The following SGCZ variants were observed in gnomAD, a reference collection of about 807,000 sequenced individuals.
SGCZ encodes zeta-sarcoglycan.
Under a neutral mutation model 41.3 loss-of-function variants are expected in SGCZ, and 40 were observed. The ratio of observed to expected loss-of-function variants is 0.97; its 90% CI spans 0.75 to 1.26. The LOEUF is 1.26. Ranked by LOEUF, SGCZ falls within the 50% of genes most tolerant of loss-of-function variation. The pLI, the probability that SGCZ is intolerant of heterozygous loss-of-function variation, is 0.00. For synonymous variants in SGCZ, 206 were observed against 137.5 expected (o/e 1.50, Z -3.49); for missense variants, 552 against 369.8 (o/e 1.49, Z -4.04).
At chr8:15,012,052 G>T (rs926035737) in intron 1 of SGCZ, among the ~76,000 whole-genome samples, 3 of 152,022 alleles carry the variant, frequency 2.0e-5, no homozygotes, top group African/African-American at 4.8e-5. Flanking sequence ...CTACTCAATC[G>T]CATTATTGCA....
intron 6 of SGCZ, among the ~76,000 whole-genome samples, chr8:14,106,060 C>G (rs17118656): frequency 1.3e-5 from 2 of 152,152 alleles, no homozygotes; most frequent in Admixed American, 6.5e-5. Context: ...TTTGTAATAA[C>G]TGCAGCCACT....
chr8:14,571,912 T>G (rs922896683), intron 1 of SGCZ, among the ~76,000 whole-genome samples: 1 of 152,166 alleles, frequency 6.6e-6, no homozygotes, highest in African/African-American at 2.4e-5. Context: ...TTTATTTATA[T>G]TATTTACTTA....
chr8:14,240,325 GTC>G (rs1798826019), intron 3 of SGCZ, among the ~76,000 whole-genome samples: 1 of 21,908 alleles, frequency 4.6e-5, no homozygotes, highest in Admixed American at 6.7e-4. Context: ...GAAACTCTGT[GTC>G]AAAAAAAAAA....
intron 2 of SGCZ, among the ~76,000 whole-genome samples, chr8:14,445,028 G>C (rs1056581953): frequency 1.3e-5 from 2 of 152,146 alleles, no homozygotes; most frequent in Admixed American, 6.5e-5. Context: ...AGACCACTAG[G>C]ATAGGTCCAT....
chr8:14,732,155 T>C (rs2130243066), intron 1 of SGCZ, among the ~76,000 whole-genome samples: 1 of 152,316 alleles, frequency 6.6e-6, no homozygotes, highest in Admixed American at 6.5e-5. Context: ...AGGTCCTTTT[T>C]TATTGCCTTC....
chr8:14,722,253 A>G (rs1809910685), intron 1 of SGCZ, among the ~76,000 whole-genome samples: 1 of 152,184 alleles, frequency 6.6e-6, no homozygotes, highest in Non-Finnish European at 1.5e-5. Flanking sequence ...TATTAAATCT[A>G]GCATCTATAA....
chr8:14,909,457 T>C (rs967846160), intron 1 of SGCZ, among the ~76,000 whole-genome samples: 7 of 152,182 alleles, frequency 4.6e-5, no homozygotes, highest in Non-Finnish European at 1.0e-4. Context: ...AAATTTTGTT[T>C]CTTTTTCTTT....
chr8:14,891,493 T>C (rs920979500), intron 1 of SGCZ, among the ~76,000 whole-genome samples: 3 of 152,094 alleles, frequency 2.0e-5, no homozygotes, highest in Non-Finnish European at 4.4e-5. Flanking sequence ...GATAAAACAT[T>C]AGGATAATGA....
chr8:15,043,715 G>C (rs1804196134), intron 1 of SGCZ, among the ~76,000 whole-genome samples: 1 of 151,988 alleles, frequency 6.6e-6, no homozygotes, highest in Non-Finnish European at 1.5e-5. Flanking sequence ...AATACTTTTG[G>C]AATTCTTTAG....
chr8:14,370,533 A>T (rs1050434300), intron 2 of SGCZ, among the ~76,000 whole-genome samples: 2 of 151,964 alleles, frequency 1.3e-5, no homozygotes, highest in African/African-American at 4.8e-5. Flanking sequence ...TGGTAAACAG[A>T]TTTGATACCT....
intron 4 of SGCZ, among the ~76,000 whole-genome samples, chr8:14,215,111 C>T (rs1402118820): frequency 6.6e-6 from 1 of 152,116 alleles, no homozygotes; most frequent in Non-Finnish European, 1.5e-5. Flanking sequence ...AAAGCACTTC[C>T]TGGTCCTAAC....
chr8:14,708,389 C>A (rs1260898563), intron 1 of SGCZ, among the ~76,000 whole-genome samples: 1 of 151,332 alleles, frequency 6.6e-6, no homozygotes, highest in Admixed American at 6.6e-5. Context: ...AAACCAATCC[C>A]AGATGAATAT....
At chr8:14,818,832 A>C (rs1365958480) in intron 1 of SGCZ, among the ~76,000 whole-genome samples, 1 of 152,028 alleles carries the variant, frequency 6.6e-6, no homozygotes, top group Non-Finnish European at 1.5e-5. Context: ...AGAAGATAGA[A>C]TTTCTGATTT....
intron 1 of SGCZ, among the ~76,000 whole-genome samples, chr8:14,857,589 T>C (rs775300504): frequency 2.3e-4 from 35 of 152,108 alleles, no homozygotes; most frequent in Non-Finnish European, 3.1e-4. Flanking sequence ...TTTAGCCAGG[T>C]GCAGTGGCTC....
intron 3 of SGCZ, among the ~76,000 whole-genome samples, chr8:14,241,542 CTT>C (rs5889524): frequency 6.8e-6 from 1 of 147,768 alleles, no homozygotes; most frequent in Admixed American, 6.8e-5. Flanking sequence ...ACATAAATAT[CTT>C]TTTTTTTTGG....
At chr8:14,301,105 C>G (rs1585337245) in intron 3 of SGCZ, among the ~76,000 whole-genome samples, 1 of 147,438 alleles carries the variant, frequency 6.8e-6, no homozygotes, top group African/African-American at 2.5e-5. Context: ...TCAATTATCC[C>G]TATCCTCTCA....
chr8:14,948,893 CT>C (rs370975577), intron 1 of SGCZ, among the ~76,000 whole-genome samples: 11 of 151,996 alleles, frequency 7.2e-5, no homozygotes, highest in Admixed American at 1.3e-4. Flanking sequence ...CTCTCTCTCT[CT>C]CTCAAAATTC....
At chr8:14,112,427 A>G (rs1053584744) in intron 5 of SGCZ, among the ~76,000 whole-genome samples, 44 of 152,108 alleles carry the variant, frequency 2.9e-4, no homozygotes, top group African/African-American at 1.0e-3. Context: ...GGCACTTGAC[A>G]GGTATCTTAG....
At chr8:14,208,393 ATAT>A (rs1040137748) in intron 4 of SGCZ, among the ~76,000 whole-genome samples, 39 of 152,358 alleles carry the variant, frequency 2.6e-4, no homozygotes, top group Non-Finnish European at 5.3e-4. Flanking sequence ...TGTCAAGGTA[ATAT>A]TATTCTAAAC....
Sources: gnomAD v4.1 joint callset for allele counts (sites outside exome capture counted in the v4.1 genomes callset) on GRCh38, gnomAD v4.1.1 for gene constraint, MANE v1.5 for transcripts, NCBI Gene and HGNC (gene_info 2026-07-23, HGNC 2026-07-21) for gene names.